Variants in GRK3 observed in about 807,000 individuals in gnomAD.
GRK3 encodes the protein G protein-coupled receptor kinase 3.
Under a neutral mutation model 95.7 loss-of-function variants are expected in GRK3, and 54 were observed. That is an observed-to-expected ratio of 0.56 (90% CI 0.45 to 0.71). The LOEUF (loss-of-function observed/expected upper bound fraction) is 0.71. Among genes scored for constraint, GRK3 ranks in the 30% least tolerant of loss-of-function variants. The pLI is 0.00. For missense variants in GRK3, 649 were observed against 851.2 expected (o/e 0.76, Z 2.96); for synonymous variants, 281 against 290.8 (o/e 0.97, Z 0.34).
chr22:25,727,513 T>A lies in GRK3; in HGVS notation c.*5063T>A, dbSNP rs928207231. The A allele has an allele frequency of 6.6e-6, 1 of 152,256 alleles. No individual in the cohort carries two copies. Among genetic ancestry groups the A allele is most frequent in the Non-Finnish European group, 1.5e-5 (1 of 68,044 alleles). The allele number at this position is 152,256 out of a possible 1,614,324, so 9.4% of individuals were successfully genotyped here. ...TCTGACCTGGCTGTGTTAGCACTGA[T>A]TGAGAAACGCAGGCTCCCAAATTTT... is the stretch of plus-strand genomic sequence containing the variant. On this transcript the variant is annotated 3_prime_UTR_variant, in exon 21 of 21. Coordinates refer to ENST00000324198, the MANE Select transcript of GRK3 (RefSeq NM_005160.4).
chr22:25,649,029 A>G (rs762754258), intron 3 of GRK3: 12 of 1,304,066 alleles, frequency 9.2e-6, no homozygotes, highest in Non-Finnish European at 1.3e-5. Flanking sequence ...ATATCCAGGT[A>G]TGGTGAACCA....
intron 1 of GRK3, among the ~76,000 whole-genome samples, chr22:25,585,026 A>G (rs1601452565): frequency 1.3e-5 from 2 of 152,290 alleles, no homozygotes; most frequent in Admixed American, 1.3e-4. Flanking sequence ...AAGTCTAGGT[A>G]AAGTGGAGAA....
intron 16 of GRK3, among the ~76,000 whole-genome samples, chr22:25,710,684 C>T (rs2085336868): frequency 6.6e-6 from 1 of 152,210 alleles, no homozygotes; most frequent in Non-Finnish European, 1.5e-5. Flanking sequence ...TGCAGATGTG[C>T]CCTGCTCCCT....
At chr22:25,595,634 G>T (rs1218306435) in intron 1 of GRK3, among the ~76,000 whole-genome samples, 1 of 152,136 alleles carries the variant, frequency 6.6e-6, no homozygotes, top group East Asian at 1.9e-4. Flanking sequence ...CTCATGTTTA[G>T]GAAATTAGAC....
intron 2 of GRK3, among the ~76,000 whole-genome samples, chr22:25,637,420 A>G (rs545983684): frequency 2.6e-5 from 4 of 152,342 alleles, no homozygotes; most frequent in African/African-American, 7.2e-5. Context: ...TGCTGGATGT[A>G]TCAGTAGTTT....
chr22:25,596,331 A>G (rs1401482809), intron 1 of GRK3, among the ~76,000 whole-genome samples: 1 of 152,222 alleles, frequency 6.6e-6, no homozygotes, highest in Non-Finnish European at 1.5e-5. Context: ...TTCAAAAAGA[A>G]GTAATGTGAT....
At chr22:25,625,653 G>A (rs1259852781) in intron 2 of GRK3, among the ~76,000 whole-genome samples, 1 of 152,190 alleles carries the variant, frequency 6.6e-6, no homozygotes, top group Non-Finnish European at 1.5e-5. Flanking sequence ...TTATCCGGAG[G>A]CCTAACCGTC....
At chr22:25,634,128 A>G (rs1468333828) in intron 2 of GRK3, among the ~76,000 whole-genome samples, 4 of 152,216 alleles carry the variant, frequency 2.6e-5, no homozygotes, top group Non-Finnish European at 5.9e-5. Flanking sequence ...GAGATATAGA[A>G]TCTTAGAGTT....
intron 13 of GRK3, chr22:25,702,942 A>T (rs2085269850): frequency 2.2e-6 from 1 of 455,054 alleles, no homozygotes; most frequent in Non-Finnish European, 4.4e-6. Flanking sequence ...CGGGTTCTGC[A>T]CAGGGAAAAC....
rs1295920471 is a variant in GRK3, at chr22:25,725,127, T to A, written c.*2677T>A. The A allele has an allele frequency of 2.6e-5, 4 of 153,242 alleles. No individual in the cohort carries two copies. The highest frequency in any genetic ancestry group is 7.2e-5 in the African/African-American group (3 of 41,492). 9.5% of individuals were successfully genotyped at this position (153,242 alleles called of 1,614,324 possible). A position where few individuals can be genotyped will look rare whatever the true frequency, so the allele number is the denominator to read the frequency against. On this transcript the variant is annotated 3_prime_UTR_variant, in exon 21 of 21. Coordinates refer to ENST00000324198, the MANE Select transcript of GRK3 (RefSeq NM_005160.4). ...CTGGAATTAGAGATGTAAGCCACCA[T>A]GCCCAGCCATAGTACTTGGATGTTT...
Position 25,591,062 on chromosome 22 carries a change from C to T in GRK3, c.114-13315C>T, listed in dbSNP as rs1932473046. The stretch of plus-strand genomic sequence containing the variant: ...AAGGGCTCATTCCCACAAGACTGCC[C>T]CAATTCAGATGCCAGCTAGGAATGG... On this transcript the variant is annotated intron_variant, in intron 1 of 20. Transcript: ENST00000324198. Among the ~76,000 whole-genome samples the T allele has an allele frequency of 2.6e-5, 4 of 152,200 alleles. 1 individual carries two copies. The South Asian group carries it at 8.3e-4, about 32-fold the overall frequency.
At chr22:25,580,654 C>T (rs1569151832) in intron 1 of GRK3, 1 of 152,202 alleles carries the variant, frequency 6.6e-6, no homozygotes, top group Admixed American at 6.5e-5. Flanking sequence ...CTGCCTCAGC[C>T]TCCCAACTAG....
intron 1 of GRK3, among the ~76,000 whole-genome samples, chr22:25,571,367 C>T (rs572242167): frequency 6.6e-6 from 1 of 152,252 alleles, no homozygotes; most frequent in Non-Finnish European, 1.5e-5. Flanking sequence ...TTATCTATTT[C>T]TTTCTGATTG....
intron 3 of GRK3, among the ~76,000 whole-genome samples, chr22:25,658,044 T>G (rs915647465): frequency 2.0e-5 from 3 of 152,224 alleles, no homozygotes; most frequent in Non-Finnish European, 2.9e-5. Context: ...ATAGTTATTT[T>G]CTGCTGCTAT....
intron 1 of GRK3, among the ~76,000 whole-genome samples, chr22:25,590,734 T>A (rs1212794773): frequency 2.0e-5 from 3 of 152,064 alleles, no homozygotes; most frequent in East Asian, 3.9e-4. Context: ...GGGAGGAGTA[T>A]CACTTGAACT....
intron 1 of GRK3, among the ~76,000 whole-genome samples, chr22:25,576,234 A>G (rs2331116): frequency 0.017 from 2,591 of 149,350 alleles, 51 homozygotes; most frequent in Middle Eastern, 0.053. Context: ...AGAAGGTGGT[A>G]TAGCGAGCAC....
chr22:25,625,214 T>C (rs910897810), intron 2 of GRK3, among the ~76,000 whole-genome samples: 1 of 152,232 alleles, frequency 6.6e-6, no homozygotes, highest in Admixed American at 6.5e-5. Flanking sequence ...AGAATAGTTA[T>C]ACCAGATATA....
At chr22:25,649,696 T>A (rs748297811) in intron 3 of GRK3, among the ~76,000 whole-genome samples, 2 of 152,228 alleles carry the variant, frequency 1.3e-5, no homozygotes, top group Non-Finnish European at 2.9e-5. Flanking sequence ...TTCTTATATT[T>A]ATTATTCTCA....
At chr22:25,596,075 G>A (rs1409751657) in intron 1 of GRK3, among the ~76,000 whole-genome samples, 5 of 152,198 alleles carry the variant, frequency 3.3e-5, no homozygotes, top group Non-Finnish European at 5.9e-5. Flanking sequence ...TACAAGAAGG[G>A]AAGAGTAAAA....
Sources: allele counts gnomAD v4.1 joint callset (sites outside exome capture counted in the v4.1 genomes callset), GRCh38; gene constraint gnomAD v4.1.1; transcripts MANE v1.5; gene names NCBI Gene and HGNC (gene_info 2026-07-23, HGNC 2026-07-21).